MYO1C: variants seen among roughly 807,000 people sequenced by gnomAD.
MYO1C encodes the protein myosin IC, also known as unconventional myosin-Ic.
MYO1C carries 104 observed loss-of-function variants against 150.8 expected under a neutral mutation model. That is an observed-to-expected ratio of 0.69 (90% CI 0.59 to 0.81). The LOEUF (loss-of-function observed/expected upper bound fraction) is 0.81. Among genes scored for constraint, MYO1C ranks in the 30% least tolerant of loss-of-function variants. The probability of loss-of-function intolerance (pLI) is 0.00; values close to 1 mark genes in which losing one functional copy is unlikely to be tolerated. For synonymous variants in MYO1C, 663 were observed against 579.9 expected (o/e 1.14, Z -2.06); for missense variants, 1,504 against 1,435.0 (o/e 1.05, Z -0.78).
Position 1,478,465 on chromosome 17 carries a change from T to C in MYO1C, c.1240A>G (p.Thr414Ala). The C allele has an allele frequency of 1.9e-6, 3 of 1,614,166 alleles. No individual in the cohort carries two copies. The highest frequency in any genetic ancestry group is 2.5e-6 in the Non-Finnish European group (3 of 1,180,024). Reference protein sequence around the residue: ...KDVESPSWRSTTVLGLLDIYG... With the variant: ...KDVESPSWRSATVLGLLDIYG... ...ATATCCAGGAGCCCGAGAACCGTGG[T>C]GCTCCGCCAGCTGGGGCTCTCCACG... The change falls in exon 11 of 32, where the codon ACC (threonine) becomes GCC (alanine). Residue 414 changes from threonine (T) to alanine (A), a missense_variant. Thr to Ala is a moderately conservative substitution (Grantham distance 58). Transcript: ENST00000648651. The surrounding 1 kb of genome is among the most constrained non-coding windows in gnomAD (Gnocchi z 6.3).
rs781133879 is a variant in MYO1C, at chr17:1,479,667, G to T, written c.945C>A (p.Gly315=). ...LSIVASVLHL[G]NIHFAANEES... ...CCTCGTTGGCAGCAAAGTGGATGTT[G>T]CCCAAATGAAGGACGCTGGCCACGA... is the stretch of plus-strand genomic sequence containing the variant. Residue 315 remains glycine, a synonymous_variant, in exon 8 of 32, where the codon GGC becomes GGA. Coordinates refer to ENST00000648651, the MANE Select transcript of MYO1C (RefSeq NM_001080779.2). The surrounding 1 kb of genome is among the most constrained non-coding windows in gnomAD (Gnocchi z 4.2). The T allele has an allele frequency of 1.1e-5, 17 of 1,613,380 alleles. No homozygotes were observed. The Middle Eastern group carries it at 4.9e-4, about 47-fold the overall frequency.
intron 5 of MYO1C, among the ~76,000 whole-genome samples, chr17:1,481,618 A>G (rs1347390692): frequency 6.6e-6 from 1 of 151,944 alleles, no homozygotes; most frequent in African/African-American, 2.4e-5. Context: ...CTCCTGCCTC[A>G]GCCTCCTGAG....
At chr17:1,468,557 G>A in intron 25 of MYO1C, 61 bp from the exon 26 acceptor site, 2 of 1,405,784 alleles carry the variant, frequency 1.4e-6, no homozygotes, top group Non-Finnish European at 2.0e-6. Context: ...TGGGGGGGCA[G>A]AGCCAGCCTT....
Position 1,474,994 on chromosome 17 carries a change from C to T in MYO1C, c.1613G>A (p.Gly538Asp), listed in dbSNP as rs1430949656. ...GTGCAGAAGGCGGAATTCCCCTCGGCCCAGAGATTTCCTGGTCCGCTGGTC... is the reference window on the plus strand; with the variant it reads ...GTGCAGAAGGCGGAATTCCCCTCGGTCCAGAGATTTCCTGGTCCGCTGGTC... ...LADQRTRKSL[G>D]RGEFRLLHYA... Residue 538 changes from glycine (G) to aspartate (D), a missense_variant, in exon 15 of 32, where the codon GGC becomes GAC. Transcript: ENST00000648651. The T allele has an allele frequency of 7.7e-6, 12 of 1,556,240 alleles. No homozygotes were observed. Among genetic ancestry groups the T allele is most frequent in the Non-Finnish European group, 8.7e-6 (10 of 1,149,478 alleles).
In MYO1C at chr17:1,482,514, C is replaced by A; in HGVS notation, c.591G>T (p.Arg197Ser). ...ACTGCACATCCATGTACTTCCCGAA[C>A]CTGCTGGAGTTATCGTTCCGGAGGG... is the stretch of plus-strand genomic sequence containing the variant. ...AKTLRNDNSS[R>S]FGKYMDVQFD... is the part of the protein sequence containing the mutation. The change falls in exon 5 of 32, where the codon AGG (arginine) becomes AGT (serine). Residue 197 changes from arginine to serine, a missense_variant. Physicochemically the swap from Arg to Ser is moderately radical, Grantham distance 110. Transcript: ENST00000648651. The A allele has an allele frequency of 6.2e-7, 1 of 1,614,092 alleles. No homozygotes were observed. The highest frequency in any genetic ancestry group is 8.5e-7 in the Non-Finnish European group (1 of 1,179,992).
intron 29 of MYO1C, 111 bp from the exon 30 acceptor site, chr17:1,467,688 C>T: frequency 1.0e-6 from 1 of 983,852 alleles, no homozygotes; most frequent in Admixed American, 2.2e-5. Flanking sequence ...TCCACCCTCC[C>T]ACCTCCCCAT....
Position 1,479,845 on chromosome 17 carries a change from G to A in MYO1C, c.907-140C>T, listed in dbSNP as rs1437204852. The A allele has an allele frequency of 1.5e-6, 1 of 655,708 alleles. No homozygotes were observed. The highest frequency in any genetic ancestry group is 2.7e-6 in the Non-Finnish European group (1 of 370,600). 40.6% of individuals were successfully genotyped at this position (655,708 alleles called of 1,614,324 possible). On this transcript the variant is annotated intron_variant, in intron 7 of 31. Coordinates refer to ENST00000648651, the MANE Select transcript of MYO1C (RefSeq NM_001080779.2). The surrounding 1 kb of genome is among the most constrained non-coding windows in gnomAD (Gnocchi z 4.2). ...GAAGTGGGAATGGGTGTTAAAGGTGGAAGGTGATTCTGCGGGTGGGATGGG... is the reference window on the plus strand; with the variant it reads ...GAAGTGGGAATGGGTGTTAAAGGTGAAAGGTGATTCTGCGGGTGGGATGGG...
intron 5 of MYO1C, among the ~76,000 whole-genome samples, chr17:1,481,932 G>C (rs1189229288): frequency 6.6e-6 from 1 of 151,800 alleles, no homozygotes; most frequent in African/African-American, 2.4e-5. Context: ...TGTGGCCTCC[G>C]TGCTGTCCTG....
rs769609615 is a variant in MYO1C at position 1,467,994 on chromosome 17, G to T, written c.2890C>A (p.Leu964Met). The change falls in exon 28 of 32, where the codon CTG becomes ATG. Residue 964 changes from leucine to methionine, a missense_variant. By Grantham distance (15) the Leu-to-Met change is conservative. Coordinates refer to ENST00000648651, the MANE Select transcript of MYO1C (RefSeq NM_001080779.2). ...GCCCTGGACCCTGGCTGACCGGTCAGGTTGGCGTAATCAATCCTCTGCTTG... is the reference window on the plus strand; with the variant it reads ...GCCCTGGACCCTGGCTGACCGGTCATGTTGGCGTAATCAATCCTCTGCTTG... Reference protein sequence around the residue: ...KVKQRIDYANLTGISVSSLSD... With the variant: ...KVKQRIDYANMTGISVSSLSD... 2 of 1,612,988 alleles carry T rather than the reference G, an allele frequency of 1.2e-6. No homozygotes were observed. The highest frequency in any genetic ancestry group is 1.1e-5 in the South Asian group (1 of 91,016).
chr17:1,471,294 T>C lies in MYO1C; in HGVS notation c.2064A>G (p.Gly688=), dbSNP rs200530507. 6 of 1,613,796 alleles carry C rather than the reference T, an allele frequency of 3.7e-6. No individual in the cohort carries two copies. Among genetic ancestry groups the C allele is most frequent in the Non-Finnish European group, 5.1e-6 (6 of 1,179,998 alleles). The change falls in exon 20 of 32, where the codon GGA becomes GGG. Residue 688 remains glycine (G), a synonymous_variant. Coordinates refer to ENST00000648651, the MANE Select transcript of MYO1C (RefSeq NM_001080779.2). The part of the protein sequence containing the change: ...LCPETWPTWA[G]RPQDGVAVLV... Reference sequence around the variant, plus strand: ...GCACAGCCACCCCATCCTGCGGCCGTCCTGCCCACGTGGGCCACGTCTCTG... The same window carrying C: ...GCACAGCCACCCCATCCTGCGGCCGCCCTGCCCACGTGGGCCACGTCTCTG...
chr17:1,467,407 C>A, intron 30 of MYO1C, 66 bp from the exon 31 acceptor site: 5 of 1,597,052 alleles, frequency 3.1e-6, no homozygotes, highest in Non-Finnish European at 4.3e-6. Context: ...GGTGGACCCC[C>A]ACCCTGTCCC....
At chr17:1,475,136 C>G in intron 14 of MYO1C, 104 bp from the exon 15 acceptor site, 1 of 1,161,276 alleles carries the variant, frequency 8.6e-7, no homozygotes, top group Non-Finnish European at 1.3e-6. Context: ...CAGGTGCACC[C>G]CAGGCCGGGC....
At chr17:1,469,285 CTG>C in intron 25 of MYO1C, 1 of 544,912 alleles carries the variant, frequency 1.8e-6, no homozygotes, top group South Asian at 1.9e-5. Context: ...ATAGAGTAGA[CTG>C]GGGTAAATAC....
rs759760744 is a variant in MYO1C, at chr17:1,480,517, G to A, written c.906+10C>T. ...CAGGAGGAAAGCGAGGGTCCCGGAA[G>A]AGGCCTCACCTCCACTTCATCCTCG... On this transcript the variant is annotated intron_variant, in intron 7 of 31. Transcript: ENST00000648651. 2 of 1,608,566 alleles carry A rather than the reference G, an allele frequency of 1.2e-6. No homozygotes were observed. Among genetic ancestry groups the A allele is most frequent in the East Asian group, 2.2e-5 (1 of 44,868 alleles).
rs768637907 is a variant in MYO1C, at chr17:1,467,908, T to C, written c.2899A>G (p.Ile967Val). ...CTGTCGCTCAGGCTGCTGACAGAGA[T>C]TCCTGAGGGGAGAGGGCAAAGGTCA... ...QRIDYANLTG[I>V]SVSSLSDSLF... The change falls in exon 29 of 32, where the codon ATC (isoleucine) becomes GTC (valine). Residue 967 changes from isoleucine to valine, a missense_variant and splice_region_variant. Physicochemically the swap from Ile to Val is conservative, Grantham distance 29. Transcript: ENST00000648651. The C allele has an allele frequency of 1.2e-6, 2 of 1,611,810 alleles. No individual in the cohort carries two copies. The highest frequency in any genetic ancestry group is 1.7e-5 in the Admixed American group (1 of 59,684).
Position 1,477,598 on chromosome 17 carries a change from T to TG in MYO1C, c.1483-3dup, listed in dbSNP as rs571486732. 645 of 1,612,416 alleles carry TG rather than the reference T, an allele frequency of 4.0e-4. 5 individuals are homozygous for TG. The African/African-American group carries it at 7.4e-3, about 19-fold the overall frequency. ...CCCGGGGCGCAGACACTCCTCATCC[T>TG]GGGGGGTGTGGCACAGGGGGAAGGA... On this transcript the variant is annotated splice_region_variant and splice_polypyrimidine_tract_variant and intron_variant, in intron 13 of 31. Transcript: ENST00000648651.
At position 1,479,587 on chromosome 17, in the gene MYO1C, C is replaced by T. The variant is rs745478133; in HGVS notation, c.1020+5G>A. The T allele has an allele frequency of 1.2e-5, 19 of 1,608,976 alleles. No individual in the cohort carries two copies. Among genetic ancestry groups the T allele is most frequent in the Non-Finnish European group, 1.6e-5 (19 of 1,177,284 alleles). ...CTCCCGTCGCCCTCTGCCCGCCCCACTCACCCTGGTCAGATACTTGAGCTG... is the reference window on the plus strand; with the variant it reads ...CTCCCGTCGCCCTCTGCCCGCCCCATTCACCCTGGTCAGATACTTGAGCTG... On this transcript the variant is annotated splice_donor_5th_base_variant and intron_variant, in intron 8 of 31. Coordinates refer to ENST00000648651, the MANE Select transcript of MYO1C (RefSeq NM_001080779.2). The surrounding 1 kb of genome is among the most constrained non-coding windows in gnomAD (Gnocchi z 4.2).
At chr17:1,492,375 C>A (rs1478417173) in intron 1 of MYO1C, 38 bp downstream of exon 1, 2 of 1,567,866 alleles carry the variant, frequency 1.3e-6, no homozygotes, top group African/African-American at 2.7e-5. Context: ...TGGGGAGACG[C>A]TCCCACCCTC....
chr17:1,467,564 A>C lies in MYO1C; in HGVS notation c.2981T>G (p.Leu994Arg), dbSNP rs779094990. 2 of 1,613,324 alleles carry C rather than the reference A, an allele frequency of 1.2e-6. No individual in the cohort carries two copies. Among genetic ancestry groups the C allele is most frequent in the East Asian group, 2.2e-5 (1 of 44,846 alleles). ...CGTCTCAATCACGTGGTCACTCTGCAGCACCACATCTCCCTGGGGGGCCAG... is the reference window on the plus strand; with the variant it reads ...CGTCTCAATCACGTGGTCACTCTGCCGCACCACATCTCCCTGGGGGGCCAG... Reference protein sequence around the residue: ...ADNKQKGDVVLQSDHVIETLT... With the variant: ...ADNKQKGDVVRQSDHVIETLT... The change falls in exon 30 of 32, where the codon CTG becomes CGG. Residue 994 changes from leucine (L) to arginine (R), a missense_variant. Leu to Arg is a moderately radical substitution (Grantham distance 102, BLOSUM62 -2). Transcript: ENST00000648651.
Sources: gnomAD v4.1 joint callset for allele counts (sites outside exome capture counted in the v4.1 genomes callset) on GRCh38, gnomAD v4.1.1 for gene constraint, Gnocchi (gnomAD v3.1) non-coding constraint, MANE v1.5 for transcripts, NCBI Gene and HGNC (gene_info 2026-07-23, HGNC 2026-07-21) for gene names.